The following SLC1A2 variants were observed in gnomAD, a reference collection of about 807,000 sequenced individuals.
The protein encoded by SLC1A2 is solute carrier family 1 member 2.
Under a neutral mutation model 48.8 loss-of-function variants are expected in SLC1A2, and 15 were observed. The ratio of observed to expected loss-of-function variants is 0.31; its 90% CI spans 0.21 to 0.47. The LOEUF (loss-of-function observed/expected upper bound fraction) is 0.47, where lower values mean the gene tolerates loss of function less well. Ranked by LOEUF, SLC1A2 falls within the 20% of genes least tolerant of loss-of-function variation. The pLI, the probability that SLC1A2 is intolerant of heterozygous loss-of-function variation, is 0.99. For synonymous variants in SLC1A2, 279 were observed against 272.6 expected (o/e 1.02, Z -0.23); for missense variants, 502 against 730.5 (o/e 0.69, Z 3.61).
chr11:35,364,283 G>A (rs1275936014), intron 1 of SLC1A2, among the ~76,000 whole-genome samples: 1 of 152,190 alleles, frequency 6.6e-6, no homozygotes, highest in Non-Finnish European at 1.5e-5. Context: ...AGGCATTTCT[G>A]GAAAGGGTCA....
intron 5 of SLC1A2, among the ~76,000 whole-genome samples, chr11:35,302,305 A>G (rs1851379070): frequency 6.6e-6 from 1 of 152,180 alleles, no homozygotes; most frequent in African/African-American, 2.4e-5. Context: ...AATTTGTCAT[A>G]ATTATTTTCA....
chr11:35,370,407 C>T, intron 1 of SLC1A2, among the ~76,000 whole-genome samples: 1 of 152,132 alleles, frequency 6.6e-6, no homozygotes, highest in East Asian at 1.9e-4. Context: ...GGCTAAGCCT[C>T]CTCAAAGAAG....
At chr11:35,362,622 G>C (rs1030978576) in intron 1 of SLC1A2, among the ~76,000 whole-genome samples, 2 of 152,206 alleles carry the variant, frequency 1.3e-5, no homozygotes, top group East Asian at 3.8e-4. Context: ...AATGTGGCAT[G>C]CAACATATGG....
chr11:35,349,666 T>C (rs991800677), intron 1 of SLC1A2, among the ~76,000 whole-genome samples: 4 of 152,220 alleles, frequency 2.6e-5, no homozygotes, highest in Non-Finnish European at 5.9e-5. Flanking sequence ...AACTCAGGTA[T>C]ATAAGAAATC....
chr11:35,395,211 C>T (rs1197955683), intron 1 of SLC1A2, among the ~76,000 whole-genome samples: 1 of 151,664 alleles, frequency 6.6e-6, no homozygotes, highest in African/African-American at 2.4e-5. Flanking sequence ...TCAAGCCATG[C>T]ACCAACACAG....
At chr11:35,270,072 A>G (rs1188536719) in intron 9 of SLC1A2, among the ~76,000 whole-genome samples, 1 of 152,142 alleles carries the variant, frequency 6.6e-6, no homozygotes, top group African/African-American at 2.4e-5. Context: ...GTGCCATTGC[A>G]CTCCAGCCTG....
At chr11:35,292,562 T>C (rs1851045250) in intron 6 of SLC1A2, 42 bp from the exon 7 acceptor site, 2 of 1,320,620 alleles carry the variant, frequency 1.5e-6, no homozygotes, top group Admixed American at 1.8e-5. Context: ...AAGAGATCAT[T>C]AGGGATTCAG....
Position 35,350,338 on chromosome 11 carries a change from G to A in SLC1A2, c.18-32822C>T, listed in dbSNP as rs940341474. Among the ~76,000 whole-genome samples, 21 of 152,320 alleles carry A rather than the reference G, an allele frequency of 1.4e-4. 1 individual carries two copies. Among genetic ancestry groups the A allele is most frequent in the Admixed American group, 1.2e-3 (18 of 15,306 alleles). On this transcript the variant is annotated intron_variant, in intron 1 of 10. Transcript: ENST00000278379. ...ATCTTGTAGGATATGGGGGATAGAA[G>A]ATGGTGTCAAAATTTATTGAGCATT...
At chr11:35,278,834 C>A (rs1481991290) in intron 9 of SLC1A2, among the ~76,000 whole-genome samples, 1 of 152,088 alleles carries the variant, frequency 6.6e-6, no homozygotes, top group East Asian at 2.0e-4. Flanking sequence ...GCCTGACCAA[C>A]ATAGTGAAAC....
chr11:35,373,024 T>C (rs376243987), intron 1 of SLC1A2, among the ~76,000 whole-genome samples: 168 of 152,346 alleles, frequency 1.1e-3, no homozygotes, highest in African/African-American at 3.8e-3. Flanking sequence ...ATCTGGCTTC[T>C]GCCCACTGCT....
chr11:35,400,169 A>G (rs1855092176), intron 1 of SLC1A2, among the ~76,000 whole-genome samples: 1 of 152,226 alleles, frequency 6.6e-6, no homozygotes. Context: ...TTTCCCTTCT[A>G]GCAACCTACC....
At chr11:35,406,224 A>C (rs1855289060) in intron 1 of SLC1A2, among the ~76,000 whole-genome samples, 1 of 152,212 alleles carries the variant, frequency 6.6e-6, no homozygotes, top group African/African-American at 2.4e-5. Flanking sequence ...CTCCAGGCTG[A>C]CAAGGATGAG....
intron 4 of SLC1A2, among the ~76,000 whole-genome samples, chr11:35,308,075 T>C (rs1346997993): frequency 6.6e-6 from 1 of 152,230 alleles, no homozygotes; most frequent in Admixed American, 6.5e-5. Context: ...ACTGTCAACC[T>C]ATCCTAAGGA....
intron 5 of SLC1A2, among the ~76,000 whole-genome samples, chr11:35,303,337 T>C (rs1456831872): frequency 6.6e-6 from 1 of 152,220 alleles, no homozygotes; most frequent in Non-Finnish European, 1.5e-5. Flanking sequence ...GGGTTACTAA[T>C]ACTTCACATT....
intron 1 of SLC1A2, among the ~76,000 whole-genome samples, chr11:35,321,906 T>G (rs1471616623): frequency 6.6e-6 from 1 of 152,076 alleles, no homozygotes; most frequent in Non-Finnish European, 1.5e-5. Flanking sequence ...ACCAAATCCC[T>G]CGAGGCTAAT....
chr11:35,328,287 G>A (rs1050394149), intron 1 of SLC1A2, among the ~76,000 whole-genome samples: 4 of 152,150 alleles, frequency 2.6e-5, no homozygotes, highest in Non-Finnish European at 5.9e-5. Context: ...TCTTCACCGG[G>A]AAGGACTCCC....
At chr11:35,365,954 G>T (rs1853834074) in intron 1 of SLC1A2, among the ~76,000 whole-genome samples, 2 of 152,186 alleles carry the variant, frequency 1.3e-5, no homozygotes, top group Non-Finnish European at 2.9e-5. Context: ...CACCAAGTGG[G>T]TAGAGGACAG....
chr11:35,327,271 A>G (rs1852279307), intron 1 of SLC1A2, among the ~76,000 whole-genome samples: 1 of 152,210 alleles, frequency 6.6e-6, no homozygotes. Flanking sequence ...AAAAATAGGC[A>G]AATTAAATTA....
chr11:35,322,726 A>C, intron 1 of SLC1A2: 2 of 1,044,582 alleles, frequency 1.9e-6, no homozygotes, highest in Non-Finnish European at 2.9e-6. Flanking sequence ...CCTCTCCCGT[A>C]AGACAGTTGT....
Sources: gnomAD v4.1 joint callset for allele counts (sites outside exome capture counted in the v4.1 genomes callset) on GRCh38, gnomAD v4.1.1 for gene constraint, MANE v1.5 for transcripts, NCBI Gene and HGNC (gene_info 2026-07-23, HGNC 2026-07-21) for gene names.